Variants in CCNC observed in about 807,000 individuals in gnomAD.
The protein encoded by CCNC is cyclin C, also known as cyclin-C.
A neutral mutation model predicts 50.0 loss-of-function variants in CCNC; 19 were observed. The ratio of observed to expected loss-of-function variants is 0.38; its 90% CI spans 0.27 to 0.56. The LOEUF (loss-of-function observed/expected upper bound fraction) is 0.56. CCNC is among the 20% of genes least tolerant of loss of function. The pLI is 0.72. For synonymous variants in CCNC, 93 were observed against 103.7 expected, an observed-to-expected ratio of 0.90 and a Z score of 0.63; for missense variants, 200 against 327.1, an observed-to-expected ratio of 0.61 and a Z score of 3.00.
At position 99,550,179 on chromosome 6, in the gene CCNC, A is replaced by G. The variant is rs1361388725; in HGVS notation, c.530+39T>C. On this transcript the variant is annotated intron_variant, in intron 8 of 11. Transcript: ENST00000520429. ...ATTTAATTGTCAACCTTCCTATCTA[A>G]TAACATGTTACACTATTAATAACTT... 2.2e-6 allele frequency: 3 copies of G among 1,363,640 alleles called. No homozygotes were observed. In the East Asian group the frequency reaches 6.9e-5, roughly 31 times the overall value. 84.5% of individuals were successfully genotyped at this position (1,363,640 alleles called of 1,614,324 possible). A position where few individuals can be genotyped will look rare whatever the true frequency, so the allele number is the denominator to read the frequency against.
chr6:99,557,986 C>T (rs73760093), intron 5 of CCNC: 8,325 of 153,602 alleles, frequency 0.054, 689 homozygotes, highest in African/African-American at 0.18. Context: ...TGAGAAAATA[C>T]GCTTCTGTTG....
chr6:99,568,301 T>C (rs1583595886), intron 1 of CCNC, 195 bp downstream of exon 1: 1 of 596,068 alleles, frequency 1.7e-6, no homozygotes, highest in Non-Finnish European at 3.0e-6. Context: ...GATCCTTCCC[T>C]CCCCGAAACT....
intron 11 of CCNC, among the ~76,000 whole-genome samples, chr6:99,544,584 T>G (rs1801999655): frequency 6.6e-6 from 1 of 152,026 alleles, no homozygotes; most frequent in African/African-American, 2.4e-5. Flanking sequence ...AAAACCCTCT[T>G]AGCACAGGTG....
At chr6:99,546,071 C>G (rs558503378) in intron 10 of CCNC, among the ~76,000 whole-genome samples, 1 of 152,152 alleles carries the variant, frequency 6.6e-6, no homozygotes, top group South Asian at 2.1e-4. Context: ...CAGGTTCAAG[C>G]AATTCTGTCT....
chr6:99,549,620 C>A, intron 8 of CCNC, 45 bp from the exon 9 acceptor site: 1 of 1,219,844 alleles, frequency 8.2e-7, no homozygotes. Context: ...AGAACTACCT[C>A]ATCTGATTGT....
At chr6:99,543,821 C>T in intron 11 of CCNC, 13 of 1,376,642 alleles carry the variant, frequency 9.4e-6, no homozygotes, top group Non-Finnish European at 1.2e-5. Flanking sequence ...TGTGCCCTCA[C>T]ATATAACAAG....
chr6:99,565,228 G>A (rs945441513), intron 1 of CCNC, among the ~76,000 whole-genome samples: 3 of 151,966 alleles, frequency 2.0e-5, no homozygotes, highest in African/African-American at 7.2e-5. Context: ...CAAATTTTGT[G>A]ATTACATTAC....
At chr6:99,552,896 G>A (rs1216464390) in intron 5 of CCNC, among the ~76,000 whole-genome samples, 1 of 152,094 alleles carries the variant, frequency 6.6e-6, no homozygotes, top group African/African-American at 2.4e-5. Context: ...ACAAAAATTA[G>A]GCGAGTGTAG....
chr6:99,550,478 C>A, intron 7 of CCNC, 169 bp from the exon 8 acceptor site: 1 of 563,322 alleles, frequency 1.8e-6, no homozygotes, highest in Non-Finnish European at 3.1e-6. Flanking sequence ...GCCCTAAACT[C>A]TACCGTAATA....
At chr6:99,543,776 A>G (rs976632023) in intron 11 of CCNC, 167 bp from the exon 12 acceptor site, 19 of 1,418,394 alleles carry the variant, frequency 1.3e-5, no homozygotes, top group Non-Finnish European at 1.7e-5. Context: ...AAGACTAACA[A>G]ACATTGGTTT....
In CCNC at chr6:99,568,609, C is replaced by T; in HGVS notation, c.-82G>A. The T allele has an allele frequency of 6.4e-7, 1 of 1,569,180 alleles. No individual in the cohort carries two copies. The highest frequency in any genetic ancestry group is 8.6e-7 in the Non-Finnish European group (1 of 1,158,730). On this transcript the variant is annotated 5_prime_UTR_variant, in exon 1 of 12. Transcript: ENST00000520429. The stretch of plus-strand genomic sequence containing the variant: ...ACCATAGACCCAGCCCGTCCGGTAA[C>T]CGCGCTCCTCGATCAAATCAGCTCG...
intron 8 of CCNC, 84 bp downstream of exon 8, chr6:99,550,132 CTT>C: frequency 2.1e-6 from 2 of 948,448 alleles, no homozygotes; most frequent in Non-Finnish European, 3.2e-6. Flanking sequence ...AGTTTAATGA[CTT>C]TAAAAATACT....
At chr6:99,564,443 AAT>A (rs1554263230) in intron 1 of CCNC, among the ~76,000 whole-genome samples, 1 of 149,702 alleles carries the variant, frequency 6.7e-6, no homozygotes, top group African/African-American at 2.4e-5. Context: ...AAAAAAAAAA[AAT>A]TCCTATGGGT....
In CCNC at chr6:99,542,622, A is replaced by G. The variant is rs1415729297; in HGVS notation, c.*933T>C. 3 of 152,590 alleles carry G rather than the reference A, an allele frequency of 2.0e-5. No individual in the cohort carries two copies. The highest frequency in any genetic ancestry group is 1.9e-4 in the East Asian group (1 of 5,202). 9.5% of individuals were successfully genotyped at this position (152,590 alleles called of 1,614,324 possible). A position where few individuals can be genotyped will look rare whatever the true frequency, so the allele number is the denominator to read the frequency against. On this transcript the variant is annotated 3_prime_UTR_variant, in exon 12 of 12. Transcript: ENST00000520429. ...ACATTTAGTATGATGTCCTACTCTC[A>G]TATTAGAATTAAGGACAGCCAGTAT... is the stretch of plus-strand genomic sequence containing the variant.
intron 5 of CCNC, chr6:99,557,231 A>T (rs1316521722): frequency 6.6e-5 from 10 of 151,608 alleles, no homozygotes; most frequent in Non-Finnish European, 1.2e-4. Context: ...TATACTATTT[A>T]TTTCCTTCTG....
chr6:99,543,839 G>C (rs1801966139), intron 11 of CCNC: 7 of 1,361,482 alleles, frequency 5.1e-6, no homozygotes, highest in African/African-American at 4.4e-5. Flanking sequence ...AAGCATTCTG[G>C]AAGTTAGTGT....
intron 1 of CCNC, 60 bp downstream of exon 1, chr6:99,568,436 C>A: frequency 9.2e-6 from 14 of 1,520,262 alleles, no homozygotes; most frequent in Non-Finnish European, 1.3e-5. Context: ...GAGTCACAGG[C>A]CCCGTCCTCA....
intron 9 of CCNC, among the ~76,000 whole-genome samples, chr6:99,548,506 A>G (rs1222774194): frequency 1.3e-5 from 2 of 152,188 alleles, no homozygotes; most frequent in Non-Finnish European, 2.9e-5. Flanking sequence ...AATCAAGAGG[A>G]TGGAGTTATA....
upstream of CCNC, chr6:99,568,768 G>C: frequency 7.6e-7 from 1 of 1,316,036 alleles, no homozygotes; most frequent in Non-Finnish European, 9.9e-7. Flanking sequence ...GTAGCGGAGG[G>C]AGCCGGAGGG....
Sources: gnomAD v4.1 joint callset for allele counts (sites outside exome capture counted in the v4.1 genomes callset) on GRCh38, gnomAD v4.1.1 for gene constraint, MANE v1.5 for transcripts, NCBI Gene and HGNC (gene_info 2026-07-23, HGNC 2026-07-21) for gene names.